MYCBPAP: variants seen among roughly 807,000 people sequenced by gnomAD.
The protein encoded by MYCBPAP is MYCBP-associated protein.
In MYCBPAP, 60 loss-of-function variants were observed where a neutral mutation model predicts 106.1. The ratio of observed to expected loss-of-function variants is 0.57; its 90% confidence interval spans 0.46 to 0.70. The LOEUF (loss-of-function observed/expected upper bound fraction) is 0.70. Ranked by LOEUF, MYCBPAP falls within the 30% of genes least tolerant of loss-of-function variation. MYCBPAP has a pLI of 0.00. For missense variants in MYCBPAP, 1,064 were observed against 1,169.3 expected (o/e 0.91, Z 1.31); for synonymous variants, 407 against 440.6 (o/e 0.92, Z 0.95).
intron 13 of MYCBPAP, among the ~76,000 whole-genome samples, chr17:50,525,368 G>A (rs73335906): frequency 0.015 from 2,360 of 152,346 alleles, 69 homozygotes; most frequent in African/African-American, 0.054. Flanking sequence ...GTTGGGGACT[G>A]CTGCCCTAGG....
chr17:50,531,314 C>T lies in MYCBPAP; in HGVS notation c.2725-13C>T, dbSNP rs2034635253. 6.3e-7 allele frequency: 1 copy of T among 1,597,216 alleles called. No individual in the cohort carries two copies. Among genetic ancestry groups the T allele is most frequent in the Non-Finnish European group, 8.6e-7 (1 of 1,168,476 alleles). The stretch of plus-strand genomic sequence containing the variant: ...GAGTAAACTCTGCCTGTGATGTTGT[C>T]CCGTTCTTCCAGGTCCGTGGGCTGC... On this transcript the variant is annotated splice_polypyrimidine_tract_variant and intron_variant, in intron 18 of 18. Coordinates refer to ENST00000323776, the MANE Select transcript of MYCBPAP (RefSeq NM_032133.6).
chr17:50,522,694 C>CA (rs1555620749), intron 10 of MYCBPAP: 2,579 of 36,312 alleles, frequency 0.071, 447 homozygotes, highest in Non-Finnish European at 0.094. Context: ...AACTCTGTCT[C>CA]AAAAAAAAAA....
Position 50,524,999 on chromosome 17 carries a change from C to T in MYCBPAP, c.1758C>T (p.Asp586=). ...SPVDAYLTEE[D]LFRHRNPPLH... ...TGGATGCCTATCTCACCGAGGAAGA[C>T]TTGTTCCGGCACAGAAATCCTCCGG... The change falls in exon 13 of 19, where the codon GAC becomes GAT. Residue 586 remains aspartate (D), a synonymous_variant. Coordinates refer to ENST00000323776, the MANE Select transcript of MYCBPAP (RefSeq NM_032133.6). 6.2e-7 allele frequency: 1 copy of T among 1,613,554 alleles called. No individual in the cohort carries two copies. Among genetic ancestry groups the T allele is most frequent in the Non-Finnish European group, 8.5e-7 (1 of 1,179,762 alleles).
intron 4 of MYCBPAP, 123 bp downstream of exon 4, chr17:50,517,821 G>A: frequency 1.3e-6 from 1 of 762,448 alleles, no homozygotes; most frequent in Non-Finnish European, 2.2e-6. Context: ...TTGAGTCTGA[G>A]TTGATAAGGG....
intron 11 of MYCBPAP, 110 bp downstream of exon 11, chr17:50,523,238 C>A (rs1264512990): frequency 1.1e-5 from 12 of 1,070,478 alleles, no homozygotes; most frequent in Non-Finnish European, 1.7e-5. Context: ...TTGAGCCCTG[C>A]TTCCCTGCCT....
Position 50,519,018 on chromosome 17 carries a change from G to A in MYCBPAP, c.697G>A (p.Glu233Lys), listed in dbSNP as rs779186240. The change falls in exon 6 of 19, where the codon GAG (glutamate) becomes AAG (lysine). Residue 233 changes from glutamate (E) to lysine (K), a missense_variant. Transcript: ENST00000323776. ...GAGTGAGCTGCTCATGCACACCGGG[G>A]AGACCTACAGACGGATCCAGGAGGA... ...PVSELLMHTG[E>K]TYRRIQEERE... 1.2e-6 allele frequency: 2 copies of A among 1,614,092 alleles called. No individual in the cohort carries two copies.
chr17:50,508,238 G>C (rs1336767859), upstream of MYCBPAP: 1 of 300,158 alleles, frequency 3.3e-6, no homozygotes, highest in East Asian at 7.8e-5. Flanking sequence ...TGGCACCCCC[G>C]ACGCCCCACC....
chr17:50,518,906 T>C (rs1161149595), intron 5 of MYCBPAP, 68 bp from the exon 6 acceptor site: 6 of 1,505,688 alleles, frequency 4.0e-6, no homozygotes, highest in Non-Finnish European at 4.6e-6. Flanking sequence ...GGCTGCCCGA[T>C]GCAGACTGCC....
chr17:50,521,533 C>A, intron 9 of MYCBPAP, 102 bp downstream of exon 9: 1 of 883,278 alleles, frequency 1.1e-6, no homozygotes, highest in Non-Finnish European at 1.8e-6. Context: ...GTGCCTCTAG[C>A]CTAGCTTCTG....
rs1323801301 is a variant in MYCBPAP at position 50,521,137 on chromosome 17, A to G, written c.944A>G (p.Tyr315Cys). The G allele has an allele frequency of 1.9e-6, 3 of 1,613,324 alleles. No individual in the cohort carries two copies. Among genetic ancestry groups the G allele is most frequent in the Non-Finnish European group, 2.5e-6 (3 of 1,179,884 alleles). The change falls in exon 8 of 19, where the codon TAC becomes TGC. Residue 315 changes from tyrosine to cysteine, a missense_variant. Physicochemically the swap from Tyr to Cys is radical, Grantham distance 194. Coordinates refer to ENST00000323776, the MANE Select transcript of MYCBPAP (RefSeq NM_032133.6). ...TTACCAGCCCAGAGGGACGCTTCAT[A>G]CCGCTACACCTGGGATCGGAGTCTG... is the stretch of plus-strand genomic sequence containing the variant. ...TGLPAQRDAS[Y>C]RYTWDRSLFL... is the part of the protein sequence containing the mutation.
In MYCBPAP at chr17:50,521,212, A is replaced by G; in HGVS notation, c.1019A>G (p.Asp340Gly). The change falls in exon 8 of 19, where the codon GAT becomes GGT. Residue 340 changes from aspartate (D) to glycine (G), a missense_variant. Asp to Gly is a moderately conservative substitution (Grantham distance 94). Transcript: ENST00000323776. ...CTGCAGAGAATCATGGAAGAGCTGGATTTCAGCCAGCAGGTTGGTATGGCC... is the reference window on the plus strand; with the variant it reads ...CTGCAGAGAATCATGGAAGAGCTGGGTTTCAGCCAGCAGGTTGGTATGGCC... Reference protein sequence around the residue: ...KELQRIMEELDFSQQDIDGLE... With the variant: ...KELQRIMEELGFSQQDIDGLE... 6.2e-7 allele frequency: 1 copy of G among 1,612,356 alleles called. No homozygotes were observed. Among genetic ancestry groups the G allele is most frequent in the Non-Finnish European group, 8.5e-7 (1 of 1,179,316 alleles).
rs916583402 is a variant in MYCBPAP at position 50,519,231 on chromosome 17, C to G, written c.768+142C>G. 2.4e-5 allele frequency: 15 copies of G among 626,376 alleles called. No homozygotes were observed. In the South Asian group the frequency reaches 2.8e-4, roughly 12 times the overall value. 38.8% of individuals were successfully genotyped at this position (626,376 alleles called of 1,614,324 possible). A position where few individuals can be genotyped will look rare whatever the true frequency, so the allele number is the denominator to read the frequency against. On this transcript the variant is annotated intron_variant, in intron 6 of 18. Transcript: ENST00000323776. ...CTATCCATTGCAAAACATCATTAGG[C>G]CCTCAAGGCCTTTACTAAATTATAT...
chr17:50,527,208 A>G (rs2034490123), intron 14 of MYCBPAP, 79 bp from the exon 15 acceptor site: 6 of 1,580,686 alleles, frequency 3.8e-6, no homozygotes, highest in Non-Finnish European at 4.3e-6. Flanking sequence ...CCTGCCACCC[A>G]TCCCCACATC....
At position 50,518,694 on chromosome 17, in the gene MYCBPAP, C is replaced by T. The variant is rs1224468957; in HGVS notation, c.622C>T (p.Leu208=). The T allele has an allele frequency of 6.3e-6, 10 of 1,595,294 alleles. No homozygotes were observed. The highest frequency in any genetic ancestry group is 4.1e-5 in the African/African-American group (3 of 73,504). Residue 208 remains leucine, a synonymous_variant, in exon 5 of 19, where the codon CTG becomes TTG. Coordinates refer to ENST00000323776, the MANE Select transcript of MYCBPAP (RefSeq NM_032133.6). ...FLKNWQRNTA[L]RKKQQEALSE... Reference sequence around the variant, plus strand: ...GAAAAACTGGCAGCGTAACACAGCCCTGCGGAAGAAGCAGCAGGAAGCCCT... The same window carrying T: ...GAAAAACTGGCAGCGTAACACAGCCTTGCGGAAGAAGCAGCAGGAAGCCCT...
intron 1 of MYCBPAP, chr17:50,515,058 C>T (rs533461230): frequency 8.8e-6 from 2 of 227,286 alleles, no homozygotes; most frequent in African/African-American, 2.3e-5. Context: ...TTCAAAAACA[C>T]ATGCTTTGAG....
At chr17:50,524,524 T>C (rs2034385457) in intron 12 of MYCBPAP, among the ~76,000 whole-genome samples, 1 of 152,128 alleles carries the variant, frequency 6.6e-6, no homozygotes, top group Non-Finnish European at 1.5e-5. Flanking sequence ...ACCACCATCC[T>C]CAGAAGCACC....
intron 13 of MYCBPAP, 32 bp downstream of exon 13, chr17:50,525,055 T>A (rs376606185): frequency 1.3e-6 from 2 of 1,593,080 alleles, no homozygotes; most frequent in African/African-American, 1.3e-5. Context: ...TGCCCCCTCA[T>A]GTGTGCCCTG....
Position 50,526,241 on chromosome 17 carries a change from A to G in MYCBPAP, c.2143A>G (p.Asn715Asp). The G allele has an allele frequency of 6.2e-7, 1 of 1,611,168 alleles. No homozygotes were observed. Among genetic ancestry groups the G allele is most frequent in the Non-Finnish European group, 8.5e-7 (1 of 1,179,352 alleles). The change falls in exon 14 of 19, where the codon AAC (asparagine) becomes GAC (aspartate). Residue 715 changes from asparagine (N) to aspartate (D), a missense_variant. Physicochemically the swap from Asn to Asp is conservative, Grantham distance 23 (BLOSUM62 1). Transcript: ENST00000323776. ...GGATGGCCTTCCCCTGCTGGAGTGGAACCTCTGCTTGGAGGACTTCAGAAA... is the reference window on the plus strand; with the variant it reads ...GGATGGCCTTCCCCTGCTGGAGTGGGACCTCTGCTTGGAGGACTTCAGAAA... ...EPDGLPLLEW[N>D]LCLEDFRKAV...
At chr17:50,530,821 A>T (rs2144013252) in intron 18 of MYCBPAP, among the ~76,000 whole-genome samples, 1 of 152,184 alleles carries the variant, frequency 6.6e-6, no homozygotes, top group South Asian at 2.1e-4. Flanking sequence ...GGCTCCCTGG[A>T]GTTGCCCCTT....
Sources: allele counts gnomAD v4.1 joint callset (sites outside exome capture counted in the v4.1 genomes callset), GRCh38; gene constraint gnomAD v4.1.1; transcripts MANE v1.5; gene names NCBI Gene and HGNC (gene_info 2026-07-23, HGNC 2026-07-21).